ABCA9: variants seen among roughly 807,000 people sequenced by gnomAD.
The protein encoded by ABCA9 is ATP binding cassette subfamily A member 9.
In ABCA9, 183 loss-of-function variants were observed where a neutral mutation model predicts 205.3. The observed-to-expected ratio is 0.89, with a 90% CI of 0.79 to 1.01. The LOEUF is 1.01. Among genes scored for constraint, ABCA9 ranks in the 50% least tolerant of loss-of-function variants. The pLI is 0.00. For synonymous variants in ABCA9, 651 were observed against 683.3 expected (o/e 0.95, Z 0.74); for missense variants, 1,805 against 1,912.4 (o/e 0.94, Z 1.05).
intron 37 of ABCA9, among the ~76,000 whole-genome samples, chr17:68,976,416 A>G (rs113897544): frequency 0.017 from 2,535 of 152,252 alleles, 32 homozygotes; most frequent in Non-Finnish European, 0.026. Flanking sequence ...CTAGAAAGCA[A>G]TATCAGAGGT....
rs1434420610 is a variant in ABCA9, at chr17:68,975,900, AG to A, written c.*14del. ...GAGTCACAGGATTAAAGAAAGATAT[AG>A]GGTATTTGGAGCTTTAAGGCTCTTC... On this transcript the variant is annotated 3_prime_UTR_variant, in exon 39 of 39. Transcript: ENST00000340001. 2 of 1,579,234 alleles carry A rather than the reference AG, an allele frequency of 1.3e-6. No individual in the cohort carries two copies. Among genetic ancestry groups the A allele is most frequent in the Admixed American group, 1.7e-5 (1 of 58,930 alleles).
At position 68,989,256 on chromosome 17, in the gene ABCA9, T is replaced by TCTCACACA. The variant is rs138281321; in HGVS notation, c.3956-139_3956-138insTGTGTGAG. On this transcript the variant is annotated intron_variant, in intron 30 of 38. Coordinates refer to ENST00000340001, the MANE Select transcript of ABCA9 (RefSeq NM_080283.4). ...TTTCCCTTATTCCTCTCTCTCTCTC[T>TCTCACACA]CACACACACACACACACACACACAC... 1,141 of 242,652 alleles carry TCTCACACA rather than the reference T, an allele frequency of 4.7e-3. 6 individuals are homozygous for TCTCACACA. Among genetic ancestry groups the TCTCACACA allele is most frequent in the African/African-American group, 0.012 (516 of 42,552 alleles). The allele number at this position is 242,652 out of a possible 1,614,324, so 15.0% of individuals were successfully genotyped here.
At chr17:69,039,709 T>A (rs1454340205) in intron 6 of ABCA9, among the ~76,000 whole-genome samples, 1 of 152,026 alleles carries the variant, frequency 6.6e-6, no homozygotes, top group Non-Finnish European at 1.5e-5. Context: ...ACAAATGGGA[T>A]CTAATCAAAC....
At position 69,018,491 on chromosome 17, in the gene ABCA9, A is replaced by T. The variant is rs1265195926; in HGVS notation, c.2689T>A (p.Ser897Thr). 1 of 1,608,628 alleles carries T rather than the reference A, an allele frequency of 6.2e-7. No homozygotes were observed. Among genetic ancestry groups the T allele is most frequent in the East Asian group, 2.2e-5 (1 of 44,680 alleles). Residue 897 changes from serine to threonine, a missense_variant, in exon 20 of 39, where the codon TCT (serine) becomes ACT (threonine). Ser to Thr is a moderately conservative substitution (Grantham distance 58, BLOSUM62 1). Coordinates refer to ENST00000340001, the MANE Select transcript of ABCA9 (RefSeq NM_080283.4). The part of the protein sequence containing the change: ...SYQKSYPWEL[S>T]PNTYFLSPGQ... Reference sequence around the variant, plus strand: ...GGTGAGAGGAAGTATGTATTTGGAGACAGTTCCCACGGGTAACTTTTCTGA... The same window carrying T: ...GGTGAGAGGAAGTATGTATTTGGAGTCAGTTCCCACGGGTAACTTTTCTGA...
rs558485888 is a variant in ABCA9, at chr17:68,992,551, C to T, written c.3625-285G>A. 1.4e-4 allele frequency: 32 copies of T among 236,628 alleles called. No individual in the cohort carries two copies. In the East Asian group the frequency reaches 1.5e-3, roughly 11 times the overall value. 14.7% of individuals were successfully genotyped at this position (236,628 alleles called of 1,614,324 possible). ...GTCCAGGGCCAGGAGCGTTGGCTCA[C>T]GCCTGTAATCCCAGCACTTTGGGAG... On this transcript the variant is annotated intron_variant, in intron 27 of 38. Transcript: ENST00000340001.
At chr17:68,985,273 A>G in intron 32 of ABCA9, 145 bp from the exon 33 acceptor site, 1 of 952,268 alleles carries the variant, frequency 1.1e-6, no homozygotes, top group Non-Finnish European at 1.6e-6. Flanking sequence ...TAGGTACTTT[A>G]TGAACCTTTC....
chr17:69,044,328 T>G (rs2071641247), intron 5 of ABCA9, among the ~76,000 whole-genome samples, 169 bp downstream of exon 5: 1 of 152,216 alleles, frequency 6.6e-6, no homozygotes, highest in Admixed American at 6.6e-5. Context: ...TGTGTTCTAC[T>G]TATTTTCTGA....
At chr17:68,990,446 AGTATATCTCAC>A (rs2069410575) in intron 29 of ABCA9, among the ~76,000 whole-genome samples, 2 of 152,228 alleles carry the variant, frequency 1.3e-5, no homozygotes, top group South Asian at 4.1e-4. Flanking sequence ...CAATGGTGCA[AGTATATCTCAC>A]TGTAGCCTTG....
At chr17:69,017,902 CT>C (rs2070679107) in intron 20 of ABCA9, 113 bp from the exon 21 acceptor site, 1 of 1,235,474 alleles carries the variant, frequency 8.1e-7, no homozygotes, top group Non-Finnish European at 1.1e-6. Flanking sequence ...CTGTCTAAGG[CT>C]TTTCTTAAAA....
chr17:69,016,389 T>A lies in ABCA9; in HGVS notation c.2903A>T (p.Asp968Val), dbSNP rs1161311045. The part of the protein sequence containing the change: ...GAIIVSGDEK[D>V]HRFSIACNTK... ...ATTACATGCTATTGAAAATCTGTGA[T>A]CCTGAAATACAACAAGTACCAATTC... The change falls in exon 22 of 39, where the codon GAT becomes GTT. Residue 968 changes from aspartate to valine, a missense_variant and splice_region_variant. Coordinates refer to ENST00000340001, the MANE Select transcript of ABCA9 (RefSeq NM_080283.4). 1 of 1,576,210 alleles carries A rather than the reference T, an allele frequency of 6.3e-7. No homozygotes were observed.
At chr17:68,999,316 C>T (rs1479123663) in intron 25 of ABCA9, among the ~76,000 whole-genome samples, 3 of 129,504 alleles carry the variant, frequency 2.3e-5, no homozygotes, top group African/African-American at 8.8e-5. Context: ...GTGATGTTCC[C>T]CTTCCTGTGT....
At chr17:69,060,524 A>G (rs528498681) in intron 1 of ABCA9, among the ~76,000 whole-genome samples, 1 of 77,504 alleles carries the variant, frequency 1.3e-5, no homozygotes, top group African/African-American at 3.9e-5. Context: ...AAAATTAAAA[A>G]CAAACAAAGA....
Position 68,980,055 on chromosome 17 carries a change from C to A in ABCA9, c.4720+2507G>T, listed in dbSNP as rs2069000025. ...ACTCATCTGACAAAGGACTAATATCCAGAATCTACAATGAACTCAAACAAA... is the reference window on the plus strand; with the variant it reads ...ACTCATCTGACAAAGGACTAATATCAAGAATCTACAATGAACTCAAACAAA... On this transcript the variant is annotated intron_variant, in intron 37 of 38. Coordinates refer to ENST00000340001, the MANE Select transcript of ABCA9 (RefSeq NM_080283.4). Among the ~76,000 whole-genome samples, 3 of 152,086 alleles carry A rather than the reference C, an allele frequency of 2.0e-5. No individual in the cohort carries two copies. The South Asian group carries it at 6.2e-4, about 32-fold the overall frequency.
intron 1 of ABCA9, among the ~76,000 whole-genome samples, chr17:69,056,781 C>T (rs2072082651): frequency 6.6e-6 from 1 of 152,110 alleles, no homozygotes; most frequent in Non-Finnish European, 1.5e-5. Flanking sequence ...AGATAATGAG[C>T]AGAAGGAACT....
chr17:69,030,480 T>G (rs2071119144), intron 10 of ABCA9, among the ~76,000 whole-genome samples: 1 of 152,226 alleles, frequency 6.6e-6, no homozygotes, highest in East Asian at 1.9e-4. Flanking sequence ...ACCATCATTT[T>G]AAGGGTTAGG....
At chr17:69,073,902 A>C in the ABCA9 span, among the ~76,000 whole-genome samples, 4 of 151,824 alleles carry the variant, frequency 2.6e-5, no homozygotes, top group African/African-American at 4.8e-5. Flanking sequence ...GGGTCTTGCT[A>C]TGTTGCCCAG....
At chr17:68,990,394 T>C (rs1423895406) in intron 29 of ABCA9, among the ~76,000 whole-genome samples, 1 of 152,196 alleles carries the variant, frequency 6.6e-6, no homozygotes, top group Non-Finnish European at 1.5e-5. Flanking sequence ...CATGCATGTG[T>C]TTCTTGAGAC....
At chr17:68,999,710 C>G (rs1384435069) in intron 25 of ABCA9, among the ~76,000 whole-genome samples, 1 of 152,144 alleles carries the variant, frequency 6.6e-6, no homozygotes, top group African/African-American at 2.4e-5. Flanking sequence ...ACACTGACTT[C>G]CACAATGGTT....
At chr17:69,053,476 A>G (rs902730815) in intron 1 of ABCA9, among the ~76,000 whole-genome samples, 6 of 152,208 alleles carry the variant, frequency 3.9e-5, no homozygotes, top group African/African-American at 1.4e-4. Flanking sequence ...TCATGCAGGA[A>G]CGATGGGCAA....
Sources: allele counts gnomAD v4.1 joint callset (sites outside exome capture counted in the v4.1 genomes callset), GRCh38; gene constraint gnomAD v4.1.1; transcripts MANE v1.5; gene names NCBI Gene and HGNC (gene_info 2026-07-23, HGNC 2026-07-21).